Variants in AFAP1 observed in about 807,000 individuals in gnomAD.
The protein encoded by AFAP1 is actin filament associated protein 1.
In AFAP1, 75 loss-of-function variants were observed where a neutral mutation model predicts 93.9. The observed-to-expected ratio is 0.80, with a 90% CI of 0.66 to 0.97. AFAP1 has a LOEUF of 0.97. Ranked by LOEUF, AFAP1 falls within the 50% of genes least tolerant of loss-of-function variation. The pLI is 0.00. For missense variants in AFAP1, 1,201 were observed against 1,050.8 expected (o/e 1.14, Z -1.98); for synonymous variants, 517 against 430.7 (o/e 1.20, Z -2.48).
chr4:7,897,824 C>T (rs532098056), intron 1 of AFAP1, among the ~76,000 whole-genome samples: 1 of 152,244 alleles, frequency 6.6e-6, no homozygotes, highest in East Asian at 1.9e-4. Context: ...GCATGAGCCA[C>T]CGCACCCAGG....
chr4:7,840,801 TA>T (rs1285275083), intron 5 of AFAP1, among the ~76,000 whole-genome samples: 2 of 152,334 alleles, frequency 1.3e-5, no homozygotes, highest in East Asian at 3.9e-4. Flanking sequence ...GAAAAGCAAC[TA>T]ATCGTACAAT....
intron 1 of AFAP1, among the ~76,000 whole-genome samples, chr4:7,910,293 G>T (rs1719655083): frequency 6.6e-6 from 1 of 152,010 alleles, no homozygotes; most frequent in East Asian, 1.9e-4. Flanking sequence ...AAAAGACTGG[G>T]GAATTCCAGT....
intron 3 of AFAP1, among the ~76,000 whole-genome samples, chr4:7,860,764 G>A (rs537777177): frequency 6.6e-6 from 1 of 152,280 alleles, no homozygotes; most frequent in Middle Eastern, 3.4e-3. Context: ...GATGTAAGGA[G>A]GGAACCAACA....
intron 5 of AFAP1, 72 bp from the exon 6 acceptor site, chr4:7,838,775 T>C (rs1712623228): frequency 1.3e-6 from 2 of 1,553,860 alleles, no homozygotes; most frequent in Non-Finnish European, 1.7e-6. Flanking sequence ...AGCTCTAGCA[T>C]CATGAAAACC....
Position 7,939,800 on chromosome 4 carries a change from C to A in AFAP1, c.-147G>T, listed in dbSNP as rs571591885. The A allele has an allele frequency of 2.1e-5, 7 of 336,064 alleles. No homozygotes were observed. The highest frequency in any genetic ancestry group is 1.1e-4 in the South Asian group (5 of 46,588). 20.8% of individuals were successfully genotyped at this position (336,064 alleles called of 1,614,324 possible). On this transcript the variant is annotated 5_prime_UTR_variant, in exon 1 of 18. Coordinates refer to ENST00000420658, the MANE Select transcript of AFAP1 (RefSeq NM_001134647.2). This position sits in a 1 kb window ranked among gnomAD's most constrained non-coding sequence, Gnocchi z 5.6. ...CGCCGCCGCCTCAGCCCGTGTACCC[C>A]GCTCGAGATCCGGCTCGGCTCGCGG...
chr4:7,901,471 G>A (rs749814362), intron 1 of AFAP1, among the ~76,000 whole-genome samples: 6 of 152,354 alleles, frequency 3.9e-5, no homozygotes, highest in African/African-American at 1.2e-4. Context: ...AGGCTGCAGC[G>A]GCAAGCAAGA....
intron 8 of AFAP1, among the ~76,000 whole-genome samples, chr4:7,813,515 T>C (rs1577242636): frequency 6.6e-6 from 1 of 152,176 alleles, no homozygotes; most frequent in Non-Finnish European, 1.5e-5. Flanking sequence ...ACCTAATAGA[T>C]GCACTGGGAG....
In AFAP1 at chr4:7,919,008, G is replaced by A. The variant is rs60062025; in HGVS notation, c.-3+20648C>T. On this transcript the variant is annotated intron_variant, in intron 1 of 17. Transcript: ENST00000420658. ...CCAGGTCACCAGGAAACAGGGCTGC[G>A]GATGAGACACTCGGCCCAGGTCACC... is the stretch of plus-strand genomic sequence containing the variant. Among the ~76,000 whole-genome samples, 190 of 36,342 alleles carry A rather than the reference G, an allele frequency of 5.2e-3. 1 individual carries two copies. The highest frequency in any genetic ancestry group is 0.021 in the African/African-American group (70 of 3,264). The allele number at this position is 36,342 out of a possible 152,430, so 23.8% of individuals were successfully genotyped here.
intron 1 of AFAP1, among the ~76,000 whole-genome samples, chr4:7,934,177 T>G (rs754054844): frequency 1.3e-5 from 2 of 152,320 alleles, no homozygotes; most frequent in South Asian, 4.2e-4. Context: ...AGGTAAGTGA[T>G]TGCCTTTCCT....
rs2285770 is a variant in AFAP1, at chr4:7,759,484, C to T, written c.*4281G>A. ...TCTGCAGTGCTGTGCCACGTATTTACGGCAGGAACGTTTTGGTTTCATTTT... is the reference window on the plus strand; with the variant it reads ...TCTGCAGTGCTGTGCCACGTATTTATGGCAGGAACGTTTTGGTTTCATTTT... On this transcript the variant is annotated 3_prime_UTR_variant, in exon 18 of 18. Transcript: ENST00000420658. The T allele has an allele frequency of 0.1, 15,662 of 152,664 alleles. 1,325 individuals carry two copies. The highest frequency in any genetic ancestry group is 0.48 in the East Asian group (2,503 of 5,170). The allele number at this position is 152,664 out of a possible 1,614,324, so 9.5% of individuals were successfully genotyped here.
At chr4:7,787,077 G>A (rs1358187217) in intron 11 of AFAP1, among the ~76,000 whole-genome samples, 2 of 152,216 alleles carry the variant, frequency 1.3e-5, no homozygotes, top group South Asian at 4.1e-4. Flanking sequence ...CAAGTTCCTG[G>A]TCAGGGCTCC....
At chr4:7,831,917 A>C (rs549180988) in intron 6 of AFAP1, among the ~76,000 whole-genome samples, 54 of 152,192 alleles carry the variant, frequency 3.5e-4, no homozygotes, top group Non-Finnish European at 6.9e-4. Flanking sequence ...GAAATGTGGA[A>C]TAAAAGAGGG....
At chr4:7,773,346 G>T in intron 15 of AFAP1, 1 of 275,524 alleles carries the variant, frequency 3.6e-6, no homozygotes, top group East Asian at 8.3e-5. Context: ...CCACCTTCTT[G>T]GAGTGTGAAC....
At chr4:7,878,049 C>T (rs938518940) in intron 1 of AFAP1, among the ~76,000 whole-genome samples, 2 of 152,142 alleles carry the variant, frequency 1.3e-5, no homozygotes, top group African/African-American at 4.8e-5. Flanking sequence ...GCATGGCGTA[C>T]CAAAATCTCA....
chr4:7,881,041 T>A (rs923398770), intron 1 of AFAP1, among the ~76,000 whole-genome samples: 2 of 152,162 alleles, frequency 1.3e-5, no homozygotes, highest in Non-Finnish European at 2.9e-5. Context: ...TTGATTTCCT[T>A]TCTATTTTTA....
chr4:7,869,858 A>G (rs1716871420), intron 2 of AFAP1, among the ~76,000 whole-genome samples: 1 of 152,182 alleles, frequency 6.6e-6, no homozygotes. Flanking sequence ...ACACACACAC[A>G]CACACAAAAT....
intron 1 of AFAP1, among the ~76,000 whole-genome samples, chr4:7,901,673 AT>A (rs1221693792): frequency 6.6e-6 from 1 of 152,224 alleles, no homozygotes; most frequent in East Asian, 1.9e-4. Context: ...ACGGAAAGGA[AT>A]GCGCCTCCCT....
At chr4:7,924,305 C>A (rs59390779) in intron 1 of AFAP1, among the ~76,000 whole-genome samples, 1 of 152,094 alleles carries the variant, frequency 6.6e-6, no homozygotes, top group African/African-American at 2.4e-5. Flanking sequence ...AAAGGTTACA[C>A]AAATAAACTA....
At chr4:7,901,857 T>G (rs1248274055) in intron 1 of AFAP1, among the ~76,000 whole-genome samples, 1 of 152,244 alleles carries the variant, frequency 6.6e-6, no homozygotes, top group Admixed American at 6.5e-5. Flanking sequence ...CAGCATCATA[T>G]CTACGTGATC....
Sources: gnomAD v4.1 joint callset for allele counts (sites outside exome capture counted in the v4.1 genomes callset) on GRCh38, gnomAD v4.1.1 for gene constraint, Gnocchi (gnomAD v3.1) non-coding constraint, MANE v1.5 for transcripts, NCBI Gene and HGNC (gene_info 2026-07-23, HGNC 2026-07-21) for gene names.